Variants in CHL1 observed in about 807,000 individuals in gnomAD.
CHL1 encodes neural cell adhesion molecule L1-like protein.
CHL1 carries 96 observed loss-of-function variants against 141.9 expected under a neutral mutation model. The observed-to-expected ratio is 0.68, with a 90% confidence interval of 0.57 to 0.80. CHL1 has a LOEUF of 0.80. CHL1 is among the 30% of genes least tolerant of loss of function. CHL1 has a pLI of 0.00. For synonymous variants in CHL1, 613 were observed against 502.2 expected (o/e 1.22, Z -2.95); for missense variants, 1,820 against 1,457.2 (o/e 1.25, Z -4.05).
chr3:328,337 T>C lies in CHL1; in HGVS notation c.368T>C (p.Ile123Thr). 3 of 1,610,908 alleles carry C rather than the reference T, an allele frequency of 1.9e-6. No individual in the cohort carries two copies. The highest frequency in any genetic ancestry group is 2.5e-6 in the Non-Finnish European group (3 of 1,178,386). ...CTGGGAATCGCTATGTCAGAAGAAA[T>C]AGAATTTATAGTTCCAAGTAAGTAC... ...NKLGIAMSEEIEFIVPSVPKF... is the reference protein window; with the variant it reads ...NKLGIAMSEETEFIVPSVPKF... Residue 123 changes from isoleucine to threonine, a missense_variant, in exon 5 of 28, where the codon ATA (isoleucine) becomes ACA (threonine). By Grantham distance (89) the Ile-to-Thr change is moderately conservative. Coordinates refer to ENST00000256509, the MANE Select transcript of CHL1 (RefSeq NM_006614.4).
chr3:315,712 G>A (rs913390020), intron 2 of CHL1, among the ~76,000 whole-genome samples: 4 of 152,052 alleles, frequency 2.6e-5, no homozygotes, highest in Non-Finnish European at 5.9e-5. Context: ...TATCCCACTA[G>A]TCGTACTGGA....
chr3:393,919 C>T (rs1412074172), intron 23 of CHL1, among the ~76,000 whole-genome samples: 2 of 152,126 alleles, frequency 1.3e-5, no homozygotes, highest in African/African-American at 4.8e-5. Context: ...TTTTTAACCT[C>T]TATGGTATCT....
At chr3:360,255 T>C in intron 11 of CHL1, 29 bp from the exon 12 acceptor site, 1 of 1,611,782 alleles carries the variant, frequency 6.2e-7, no homozygotes, top group Non-Finnish European at 8.5e-7. Context: ...CTGTTCCTTA[T>C]CAAACTGACA....
rs376205207 is a variant in CHL1, at chr3:322,550, G to A, written c.91+2683G>A. The stretch of plus-strand genomic sequence containing the variant: ...GGGCTGGGCGTGGTGTCTCATGCCT[G>A]TAATTGCGGCACTTTGGGAGGCTTG... On this transcript the variant is annotated intron_variant, in intron 3 of 27. Coordinates refer to ENST00000256509, the MANE Select transcript of CHL1 (RefSeq NM_006614.4). Among the ~76,000 whole-genome samples, 25 of 149,870 alleles carry A rather than the reference G, an allele frequency of 1.7e-4. No homozygotes were observed. In the East Asian group the frequency reaches 1.8e-3, roughly 11 times the overall value.
At chr3:284,237 G>A (rs1271574620) in intron 2 of CHL1, among the ~76,000 whole-genome samples, 1 of 152,118 alleles carries the variant, frequency 6.6e-6, no homozygotes, top group Non-Finnish European at 1.5e-5. Flanking sequence ...TGAGATTAGT[G>A]GACAAGGAAG....
At chr3:392,425 G>C (rs17037304) in intron 23 of CHL1, among the ~76,000 whole-genome samples, 1,864 of 152,348 alleles carry the variant, frequency 0.012, 42 homozygotes, top group African/African-American at 0.042. Context: ...TCATGACTCA[G>C]AATGGGCTCT....
chr3:239,697 C>T (rs1390408127), intron 1 of CHL1, among the ~76,000 whole-genome samples: 1 of 151,754 alleles, frequency 6.6e-6, no homozygotes, highest in Non-Finnish European at 1.5e-5. Context: ...TTTTGGTGCA[C>T]TCATTACCCA....
intron 2 of CHL1, chr3:246,600 C>A (rs543009125): frequency 6.6e-6 from 1 of 152,154 alleles, no homozygotes; most frequent in African/African-American, 2.4e-5. Flanking sequence ...TCCCAGAATA[C>A]CCAACCTCTC....
At chr3:339,737 G>T (rs905848676) in intron 5 of CHL1, among the ~76,000 whole-genome samples, 1 of 152,146 alleles carries the variant, frequency 6.6e-6, no homozygotes, top group African/African-American at 2.4e-5. Flanking sequence ...AGGGGCTATA[G>T]GACAAATATA....
At chr3:206,617 A>G (rs1463176064) in intron 1 of CHL1, among the ~76,000 whole-genome samples, 2 of 151,854 alleles carry the variant, frequency 1.3e-5, no homozygotes, top group East Asian at 3.9e-4. Flanking sequence ...GGGCATGCCT[A>G]TAGCCCCAGC....
rs2125227129 is a variant in CHL1 at position 354,624 on chromosome 3, T to C, written c.1034-16T>C. Reference sequence around the variant, plus strand: ...CATAGATAACATCTCTCATGAGCTCTTCACTTTACATCCAGAGCCTCCTCG... The same window carrying C: ...CATAGATAACATCTCTCATGAGCTCCTCACTTTACATCCAGAGCCTCCTCG... On this transcript the variant is annotated splice_polypyrimidine_tract_variant and intron_variant, in intron 10 of 27. Coordinates refer to ENST00000256509, the MANE Select transcript of CHL1 (RefSeq NM_006614.4). 6.2e-7 allele frequency: 1 copy of C among 1,605,692 alleles called. No individual in the cohort carries two copies. The highest frequency in any genetic ancestry group is 8.5e-7 in the Non-Finnish European group (1 of 1,176,824).
At position 400,780 on chromosome 3, in the gene CHL1, C is replaced by T. The variant is rs745448248; in HGVS notation, c.3386-846C>T. 3.3e-4 allele frequency among the ~76,000 whole-genome samples: 50 copies of T among 150,708 alleles called. 1 individual carries two copies. The highest frequency in any genetic ancestry group is 6.9e-3 in the Middle Eastern group (2 of 290). ...TCACGCCTCTGCACTCCAGCCTGGG[C>T]GACAGAGTGAGACTGTCTCAAAAAA... is the stretch of plus-strand genomic sequence containing the variant. On this transcript the variant is annotated intron_variant, in intron 26 of 27. Coordinates refer to ENST00000256509, the MANE Select transcript of CHL1 (RefSeq NM_006614.4).
chr3:382,473 G>A lies in CHL1; in HGVS notation c.1979-1G>A. On this transcript the variant is annotated splice_acceptor_variant, in intron 17 of 27. Transcript: ENST00000256509. LOFTEE classifies it high-confidence loss of function. Reference sequence around the variant, plus strand: ...TATTTTTTCCCTGTTTATACTACCAGAGTATATTGTTGAATTTGAAGGAAA... The same window carrying A: ...TATTTTTTCCCTGTTTATACTACCAAAGTATATTGTTGAATTTGAAGGAAA... The A allele has an allele frequency of 6.2e-7, 1 of 1,610,502 alleles. No individual in the cohort carries two copies. Among genetic ancestry groups the A allele is most frequent in the Non-Finnish European group, 8.5e-7 (1 of 1,176,894 alleles).
intron 16 of CHL1, among the ~76,000 whole-genome samples, chr3:379,238 T>C (rs1706726946): frequency 6.6e-6 from 1 of 152,084 alleles, no homozygotes; most frequent in Non-Finnish European, 1.5e-5. Context: ...GTAAAGCAAA[T>C]GGCCAACCTG....
At chr3:277,491 T>C (rs529525315) in intron 2 of CHL1, among the ~76,000 whole-genome samples, 4 of 152,306 alleles carry the variant, frequency 2.6e-5, no homozygotes, top group African/African-American at 9.6e-5. Context: ...ATTTTCATTT[T>C]CTCTTTCTCT....
intron 15 of CHL1, among the ~76,000 whole-genome samples, chr3:372,029 G>T (rs899123252): frequency 7.2e-5 from 11 of 152,102 alleles, no homozygotes; most frequent in African/African-American, 2.7e-4. Flanking sequence ...CTCTCTGGCT[G>T]CCCTGAGCAT....
intron 14 of CHL1, chr3:363,667 A>G (rs1219688829): frequency 2.2e-5 from 5 of 224,410 alleles, no homozygotes; most frequent in Admixed American, 1.6e-4. Context: ...ATACTACACC[A>G]TATTTCTGTA....
At chr3:269,062 A>C (rs187661228) in intron 2 of CHL1, among the ~76,000 whole-genome samples, 81 of 152,348 alleles carry the variant, frequency 5.3e-4, no homozygotes, top group Admixed American at 3.7e-3. Flanking sequence ...TAAAGAGAGA[A>C]GCAAAAAATT....
At chr3:219,915 A>G (rs185313611) in intron 1 of CHL1, among the ~76,000 whole-genome samples, 1 of 152,356 alleles carries the variant, frequency 6.6e-6, no homozygotes, top group East Asian at 1.9e-4. Context: ...AGACAACCTC[A>G]TGAATAGTCA....
Sources: gnomAD v4.1 joint callset for allele counts (sites outside exome capture counted in the v4.1 genomes callset) on GRCh38, gnomAD v4.1.1 for gene constraint, MANE v1.5 for transcripts, NCBI Gene and HGNC (gene_info 2026-07-23, HGNC 2026-07-21) for gene names.